DENND2C: variants seen among roughly 807,000 people sequenced by gnomAD.
DENND2C encodes the protein DENN domain-containing protein 2C.
DENND2C carries 72 observed loss-of-function variants against 112.4 expected under a neutral mutation model. The observed-to-expected ratio is 0.64, with a 90% CI of 0.53 to 0.78. DENND2C has a LOEUF of 0.78. Among genes scored for constraint, DENND2C ranks in the 30% least tolerant of loss-of-function variants. DENND2C has a pLI of 0.00. For synonymous variants in DENND2C, 329 were observed against 381.6 expected (o/e 0.86, Z 1.61); for missense variants, 992 against 1,113.8 (o/e 0.89, Z 1.56).
chr1:114,625,801 G>A lies in DENND2C; in HGVS notation c.184C>T (p.Pro62Ser), dbSNP rs867718423. ...CHQEIRLKKN[P>S]IAERKSKNLD... ...TTTTTGCTCTTTCTCTCAGCTATAG[G>A]ATTTTTCTTAAGACGGATCTCTTGG... The change falls in exon 4 of 21, where the codon CCT becomes TCT. Residue 62 changes from proline (P) to serine (S), a missense_variant. Around this residue, in one of 3 missense-constraint regions of DENND2C, gnomAD observed 470 missense variants for 472.7 expected, o/e 0.99. Coordinates refer to ENST00000393274, the MANE Select transcript of DENND2C (RefSeq NM_001256404.2). 4 of 1,614,072 alleles carry A rather than the reference G, an allele frequency of 2.5e-6. No homozygotes were observed. The highest frequency in any genetic ancestry group is 3.4e-6 in the Non-Finnish European group (4 of 1,180,000).
At chr1:114,605,416 C>T (rs1017461532) in intron 10 of DENND2C, among the ~76,000 whole-genome samples, 3 of 152,196 alleles carry the variant, frequency 2.0e-5, no homozygotes, top group African/African-American at 4.8e-5. Flanking sequence ...ATCCATTCTT[C>T]AATGTACTGA....
At chr1:114,596,747 A>C (rs769157045) in intron 16 of DENND2C, among the ~76,000 whole-genome samples, 33 of 144,344 alleles carry the variant, frequency 2.3e-4, no homozygotes, top group Non-Finnish European at 4.3e-4. Flanking sequence ...TCCAAAATAA[A>C]AAGTTTTTTT....
intron 18 of DENND2C, among the ~76,000 whole-genome samples, chr1:114,593,192 C>T (rs538898152): frequency 6.6e-6 from 1 of 152,180 alleles, no homozygotes; most frequent in African/African-American, 2.4e-5. Context: ...ACTGGCTGCT[C>T]CTCTGTTGCT....
intron 2 of DENND2C, among the ~76,000 whole-genome samples, chr1:114,646,026 A>G (rs546697747): frequency 1.4e-3 from 215 of 151,808 alleles, no homozygotes; most frequent in African/African-American, 5.0e-3. Context: ...TCCCGGGTTC[A>G]CGCCATTCTC....
chr1:114,636,651 A>G (rs1656664622), intron 3 of DENND2C, among the ~76,000 whole-genome samples: 2 of 152,146 alleles, frequency 1.3e-5, no homozygotes, highest in Non-Finnish European at 2.9e-5. Context: ...TGGGTGACAG[A>G]GTGAAACCCT....
At chr1:114,609,457 CAA>C (rs1452152499) in intron 9 of DENND2C, among the ~76,000 whole-genome samples, 1 of 152,102 alleles carries the variant, frequency 6.6e-6, no homozygotes, top group African/African-American at 2.4e-5. Flanking sequence ...GTGCTACACA[CAA>C]GAGAAAAAAA....
intron 18 of DENND2C, among the ~76,000 whole-genome samples, chr1:114,593,980 T>C (rs1283450550): frequency 6.6e-6 from 1 of 152,216 alleles, no homozygotes; most frequent in Non-Finnish European, 1.5e-5. Flanking sequence ...CCCATTTATT[T>C]AACAAGTATT....
intron 8 of DENND2C, among the ~76,000 whole-genome samples, chr1:114,614,856 A>G (rs761671555): frequency 5.3e-5 from 8 of 152,144 alleles, no homozygotes; most frequent in Non-Finnish European, 8.8e-5. Flanking sequence ...TCTAAAAAAA[A>G]TACAAAAATT....
At chr1:114,609,023 G>A (rs1655739620) in intron 9 of DENND2C, 150 bp from the exon 10 acceptor site, 5 of 870,952 alleles carry the variant, frequency 5.7e-6, no homozygotes, top group South Asian at 1.7e-5. Context: ...AGACATACCT[G>A]TTAAGGCTGT....
chr1:114,612,111 C>A (rs1031513222), intron 8 of DENND2C, among the ~76,000 whole-genome samples: 15 of 152,030 alleles, frequency 9.9e-5, no homozygotes, highest in African/African-American at 3.4e-4. Flanking sequence ...ATAGGCAATT[C>A]ATAGAAAAAG....
At chr1:114,590,503 G>A (rs941891706) in intron 18 of DENND2C, among the ~76,000 whole-genome samples, 4 of 152,138 alleles carry the variant, frequency 2.6e-5, no homozygotes, top group Admixed American at 2.6e-4. Flanking sequence ...ACTTGGCCGG[G>A]CGCGGTGGCT....
chr1:114,669,320 G>A (rs1469817767), intron 1 of DENND2C, among the ~76,000 whole-genome samples: 3 of 152,176 alleles, frequency 2.0e-5, no homozygotes, highest in Non-Finnish European at 4.4e-5. Flanking sequence ...TACGGAAAGA[G>A]AGGCCCAGGA....
intron 2 of DENND2C, among the ~76,000 whole-genome samples, chr1:114,649,991 T>C (rs560073929): frequency 2.6e-5 from 4 of 152,284 alleles, no homozygotes; most frequent in Admixed American, 1.3e-4. Flanking sequence ...GTATACATAA[T>C]TGTATCCTGC....
At position 114,595,827 on chromosome 1, in the gene DENND2C, C is replaced by G. The variant is rs1655327924; in HGVS notation, c.2325+5G>C. ...ACATAAGTAATTACCTCCTTTGGCA[C>G]TCACCTCCTGTAAGAACTTGTCTGC... On this transcript the variant is annotated splice_donor_5th_base_variant and intron_variant, in intron 17 of 20. Transcript: ENST00000393274. 2 of 1,613,138 alleles carry G rather than the reference C, an allele frequency of 1.2e-6. No individual in the cohort carries two copies. The highest frequency in any genetic ancestry group is 4.5e-5 in the East Asian group (2 of 44,856).
At chr1:114,635,899 G>C (rs912293838) in intron 3 of DENND2C, among the ~76,000 whole-genome samples, 1 of 151,942 alleles carries the variant, frequency 6.6e-6, no homozygotes, top group Non-Finnish European at 1.5e-5. Context: ...CCAGTTTCTT[G>C]AAAGACTGAG....
Position 114,625,290 on chromosome 1 carries a change from T to A in DENND2C, c.695A>T (p.Asn232Ile). Residue 232 changes from asparagine to isoleucine, a missense_variant, in exon 4 of 21, where the codon AAC (asparagine) becomes ATC (isoleucine). Around this residue, in one of 3 missense-constraint regions of DENND2C, gnomAD observed 470 missense variants for 472.7 expected, o/e 0.99. Coordinates refer to ENST00000393274, the MANE Select transcript of DENND2C (RefSeq NM_001256404.2). ...ESGVTPYKER[N>I]CDKKYCENNS... ...ATTTTCACAGTATTTTTTGTCACAGTTTCTTTCTTTATACGGCGTAACACC... is the reference window on the plus strand; with the variant it reads ...ATTTTCACAGTATTTTTTGTCACAGATTCTTTCTTTATACGGCGTAACACC... 1 of 1,614,196 alleles carries A rather than the reference T, an allele frequency of 6.2e-7. No individual in the cohort carries two copies. Among genetic ancestry groups the A allele is most frequent in the African/African-American group, 1.3e-5 (1 of 75,064 alleles).
intron 3 of DENND2C, among the ~76,000 whole-genome samples, chr1:114,630,124 C>T (rs1483435736): frequency 2.0e-5 from 3 of 151,668 alleles, no homozygotes; most frequent in African/African-American, 4.8e-5. Flanking sequence ...ACCATCCTGG[C>T]CAACACAGTG....
Position 114,587,629 on chromosome 1 carries a change from G to A in DENND2C, c.2668+87C>T, listed in dbSNP as rs1029288385. The A allele has an allele frequency of 2.0e-5, 29 of 1,423,906 alleles. No individual in the cohort carries two copies. Among genetic ancestry groups the A allele is most frequent in the African/African-American group, 1.6e-4 (11 of 69,696 alleles). 88.2% of individuals were successfully genotyped at this position (1,423,906 alleles called of 1,614,324 possible). A position where few individuals can be genotyped will look rare whatever the true frequency, so the allele number is the denominator to read the frequency against. On this transcript the variant is annotated intron_variant, in intron 19 of 20. Coordinates refer to ENST00000393274, the MANE Select transcript of DENND2C (RefSeq NM_001256404.2). ...ACAACTCAGATTTTAAGCCCTTGTC[G>A]CTTTACAATACTTTTTATTCATAAT... is the stretch of plus-strand genomic sequence containing the variant.
At chr1:114,644,525 C>G (rs1019432560) in intron 3 of DENND2C, among the ~76,000 whole-genome samples, 2 of 151,980 alleles carry the variant, frequency 1.3e-5, no homozygotes, top group African/African-American at 2.4e-5. Context: ...TTGAAGCTGC[C>G]CCATTTGTAG....
Sources: allele counts gnomAD v4.1 joint callset (sites outside exome capture counted in the v4.1 genomes callset), GRCh38; gene constraint gnomAD v4.1.1; regional missense constraint gnomAD v4.1.1; transcripts MANE v1.5; gene names NCBI Gene and HGNC (gene_info 2026-07-23, HGNC 2026-07-21).